The following CACNA1C variants were observed in gnomAD, a reference collection of about 807,000 sequenced individuals.
The protein encoded by CACNA1C is voltage-dependent L-type calcium channel subunit alpha-1C.
Under a neutral mutation model 229.0 loss-of-function variants are expected in CACNA1C, and 30 were observed. That is an observed-to-expected ratio of 0.13 (90% confidence interval 0.10 to 0.18). The LOEUF (loss-of-function observed/expected upper bound fraction) is 0.18. Ranked by LOEUF, CACNA1C falls within the 10% of genes least tolerant of loss-of-function variation. The probability of loss-of-function intolerance (pLI) is 1.00; values close to 1 mark genes in which losing one functional copy is unlikely to be tolerated. For synonymous variants in CACNA1C, 1,114 were observed against 1,132.5 expected (o/e 0.98, Z 0.33); for missense variants, 1,658 against 2,845.0 (o/e 0.58, Z 9.49).
chr12:2,391,522 G>A (rs2098478991), intron 3 of CACNA1C, among the ~76,000 whole-genome samples: 1 of 151,816 alleles, frequency 6.6e-6, no homozygotes. Flanking sequence ...AGCCCGGAAG[G>A]AAGCAGGGTC....
intron 1 of CACNA1C, among the ~76,000 whole-genome samples, chr12:1,994,435 A>G (rs1565861591): frequency 6.6e-6 from 1 of 152,354 alleles, no homozygotes; most frequent in East Asian, 1.9e-4. Flanking sequence ...TGAAACCTCC[A>G]ATTTTAAAAT....
chr12:2,663,942 A>T (rs1420065160), intron 34 of CACNA1C, among the ~76,000 whole-genome samples: 1 of 150,942 alleles, frequency 6.6e-6, no homozygotes, highest in Non-Finnish European at 1.5e-5. Context: ...AGGCTTCACC[A>T]TGTTAGCCAG....
At chr12:2,313,290 C>G (rs929031075) in intron 3 of CACNA1C, among the ~76,000 whole-genome samples, 3 of 152,202 alleles carry the variant, frequency 2.0e-5, no homozygotes, top group African/African-American at 7.2e-5. Flanking sequence ...CAGGCATCCA[C>G]TACATTCTGC....
chr12:2,008,106 CTTAT>C (rs60812704), intron 1 of CACNA1C, among the ~76,000 whole-genome samples: 9 of 151,926 alleles, frequency 5.9e-5, no homozygotes, highest in Admixed American at 2.0e-4. Flanking sequence ...TAAAGTTTTA[CTTAT>C]TTATTTATTT....
chr12:2,100,522 G>A (rs1468888362), intron 1 of CACNA1C, among the ~76,000 whole-genome samples: 3 of 147,158 alleles, frequency 2.0e-5, no homozygotes, highest in Non-Finnish European at 3.0e-5. Context: ...GCCTGATGCA[G>A]GAGGATCACT....
At chr12:2,327,608 G>A (rs145916756) in intron 3 of CACNA1C, among the ~76,000 whole-genome samples, 13 of 152,308 alleles carry the variant, frequency 8.5e-5, no homozygotes, top group Non-Finnish European at 1.3e-4. Flanking sequence ...AGAGGTGTTC[G>A]TGTGGTGTGA....
At chr12:2,169,265 G>A (rs987107753) in intron 3 of CACNA1C, among the ~76,000 whole-genome samples, 37 of 152,086 alleles carry the variant, frequency 2.4e-4, no homozygotes, top group African/African-American at 8.9e-4. Context: ...AGGATTGCAC[G>A]GCTTTTTACT....
chr12:2,415,007 G>A (rs2098851437), intron 3 of CACNA1C, among the ~76,000 whole-genome samples: 1 of 152,160 alleles, frequency 6.6e-6, no homozygotes, highest in African/African-American at 2.4e-5. Context: ...CAAGGCACCC[G>A]ACACGGTCTG....
At chr12:2,510,850 A>G (rs958163197) in intron 8 of CACNA1C, among the ~76,000 whole-genome samples, 2 of 152,232 alleles carry the variant, frequency 1.3e-5, no homozygotes, top group African/African-American at 2.4e-5. Context: ...GTTGATTTGC[A>G]TAGGGAGAAA....
intron 3 of CACNA1C, among the ~76,000 whole-genome samples, chr12:2,198,449 A>T (rs891675931): frequency 6.6e-6 from 1 of 152,108 alleles, no homozygotes. Context: ...TTAACAATTA[A>T]TTACAGCTCC....
rs1567480804 is a variant in CACNA1C at position 2,403,531 on chromosome 12, CT to C, written c.478-45438del. ...CCCAAGGCTGCTTTTCCTTTCCTTT[CT>C]TTTTTTAAAATTCTTTAATTAAACT... On this transcript the variant is annotated intron_variant, in intron 3 of 46. Transcript: ENST00000399655. This position sits in a 1 kb window ranked among gnomAD's most constrained non-coding sequence, Gnocchi z 4.1. 6.6e-6 allele frequency among the ~76,000 whole-genome samples: 1 copy of C among 152,170 alleles called. No individual in the cohort carries two copies. The highest frequency in any genetic ancestry group is 2.4e-5 in the African/African-American group (1 of 41,446).
At chr12:2,508,366 T>C (rs1315330740) in intron 8 of CACNA1C, among the ~76,000 whole-genome samples, 1 of 152,218 alleles carries the variant, frequency 6.6e-6, no homozygotes, top group African/African-American at 2.4e-5. Flanking sequence ...GTGTGGAAAT[T>C]CAGGGCTGCG....
intron 3 of CACNA1C, chr12:2,222,377 T>G (rs1029637249): frequency 6.6e-6 from 1 of 152,330 alleles, no homozygotes; most frequent in Middle Eastern, 3.4e-3. Flanking sequence ...GGCTTTGTGA[T>G]CTTGAACACG....
intron 3 of CACNA1C, among the ~76,000 whole-genome samples, chr12:2,209,848 A>G (rs1001147688): frequency 6.6e-6 from 1 of 152,248 alleles, no homozygotes; most frequent in Non-Finnish European, 1.5e-5. Context: ...ATTCTCAACT[A>G]AAATCAGAAG....
chr12:2,485,452 C>A (rs571420574), intron 5 of CACNA1C, among the ~76,000 whole-genome samples: 2 of 152,180 alleles, frequency 1.3e-5, no homozygotes, highest in African/African-American at 2.4e-5. Flanking sequence ...CCATAGACCG[C>A]GGTGCAAGCC....
At chr12:2,055,233 A>G (rs1273384125) in intron 1 of CACNA1C, among the ~76,000 whole-genome samples, 1 of 152,150 alleles carries the variant, frequency 6.6e-6, no homozygotes, top group Non-Finnish European at 1.5e-5. Flanking sequence ...TGAATGGTTT[A>G]GGAGGGAAGG....
At chr12:2,500,791 G>A (rs529754751) in intron 7 of CACNA1C, among the ~76,000 whole-genome samples, 19 of 152,266 alleles carry the variant, frequency 1.2e-4, no homozygotes, top group South Asian at 4.1e-4. Flanking sequence ...TTCTGCACGC[G>A]CTTCAGGGTG....
At chr12:2,106,513 G>T (rs2154116321) in intron 1 of CACNA1C, among the ~76,000 whole-genome samples, 1 of 106,086 alleles carries the variant, frequency 9.4e-6, no homozygotes, top group East Asian at 3.2e-4. Context: ...CCTCAGCTGG[G>T]TGTCCTGAAG....
chr12:2,074,826 A>G (rs762876719), intron 1 of CACNA1C, among the ~76,000 whole-genome samples: 5 of 152,100 alleles, frequency 3.3e-5, no homozygotes, highest in Non-Finnish European at 7.4e-5. Context: ...ACCCCTCCCC[A>G]TCTTCTGGCA....
Sources: gnomAD v4.1 joint callset for allele counts (sites outside exome capture counted in the v4.1 genomes callset) on GRCh38, gnomAD v4.1.1 for gene constraint, Gnocchi (gnomAD v3.1) non-coding constraint, MANE v1.5 for transcripts, NCBI Gene and HGNC (gene_info 2026-07-23, HGNC 2026-07-21) for gene names.